Variants in RPRD1B observed in about 807,000 individuals in gnomAD.
RPRD1B encodes the protein regulation of nuclear pre-mRNA domain-containing protein 1B.
RPRD1B carries 11 observed loss-of-function variants against 41.5 expected under a neutral mutation model. That is an observed-to-expected ratio of 0.27 (90% CI 0.17 to 0.44). The LOEUF is 0.44. RPRD1B is among the 20% of genes least tolerant of loss of function. RPRD1B has a pLI of 1.00. For missense variants in RPRD1B, 248 were observed against 389.9 expected (o/e 0.64, Z 3.06); for synonymous variants, 158 against 155.6 (o/e 1.02, Z -0.12).
At chr20:38,037,808 A>G (rs1273357055) in intron 1 of RPRD1B, among the ~76,000 whole-genome samples, 1 of 152,050 alleles carries the variant, frequency 6.6e-6, no homozygotes, top group Non-Finnish European at 1.5e-5. Context: ...TGAGAAGTAT[A>G]TATCAGGTCT....
chr20:38,089,707 C>G lies in RPRD1B; in HGVS notation c.832-19C>G, dbSNP rs1247622969. The G allele has an allele frequency of 1.2e-6, 2 of 1,607,874 alleles. No homozygotes were observed. Among genetic ancestry groups the G allele is most frequent in the African/African-American group, 2.7e-5 (2 of 74,712 alleles). On this transcript the variant is annotated intron_variant, in intron 6 of 6. Coordinates refer to ENST00000373433, the MANE Select transcript of RPRD1B (RefSeq NM_021215.4). ...GCACGCACAGACTTAACGGTATTGTCTTCTCTTTATCTCCTTAGGAATACA... is the reference window on the plus strand; with the variant it reads ...GCACGCACAGACTTAACGGTATTGTGTTCTCTTTATCTCCTTAGGAATACA...
chr20:38,045,619 G>C (rs1318589782), intron 2 of RPRD1B, among the ~76,000 whole-genome samples: 1 of 152,164 alleles, frequency 6.6e-6, no homozygotes, highest in African/African-American at 2.4e-5. Context: ...GCCTGAAACT[G>C]TACACAAAAC....
At chr20:38,048,511 T>C in intron 3 of RPRD1B, 30 bp downstream of exon 3, 17 of 1,569,142 alleles carry the variant, frequency 1.1e-5, no homozygotes, top group Non-Finnish European at 1.5e-5. Context: ...TTTACAGCTC[T>C]TGGTCTTTGC....
intron 1 of RPRD1B, 114 bp from the exon 2 acceptor site, chr20:38,040,321 C>T: frequency 4.1e-6 from 3 of 728,966 alleles, no homozygotes; most frequent in South Asian, 2.6e-5. Context: ...TACTTGACCC[C>T]CCAGGTAGAT....
intron 6 of RPRD1B, among the ~76,000 whole-genome samples, chr20:38,074,057 C>A (rs565624781): frequency 6.6e-6 from 1 of 152,202 alleles, no homozygotes; most frequent in Admixed American, 6.5e-5. Context: ...AATTACGGGG[C>A]CTTGCACTCA....
intron 6 of RPRD1B, among the ~76,000 whole-genome samples, chr20:38,079,253 T>C (rs1013330647): frequency 1.3e-5 from 2 of 152,164 alleles, no homozygotes; most frequent in Non-Finnish European, 2.9e-5. Flanking sequence ...TTTTCTTTTT[T>C]TTTTTTTCTT....
At chr20:38,048,310 C>A in intron 2 of RPRD1B, 38 bp from the exon 3 acceptor site, 1 of 1,571,038 alleles carries the variant, frequency 6.4e-7, no homozygotes, top group Non-Finnish European at 8.7e-7. Context: ...AGCAAAAAAT[C>A]TTAAGCTTAT....
At position 38,033,863 on chromosome 20, in the gene RPRD1B, G is replaced by C. The variant is rs2073959662; in HGVS notation, c.-85G>C. The C allele has an allele frequency of 7.3e-7, 1 of 1,372,776 alleles. No homozygotes were observed. Among genetic ancestry groups the C allele is most frequent in the Non-Finnish European group, 9.8e-7 (1 of 1,017,316 alleles). 85.0% of individuals were successfully genotyped at this position (1,372,776 alleles called of 1,614,324 possible). ...CGGTAAAAAGTCCCGCAGCCTGTCAGGTGAGGCCCCGGCCTCGTGCCGTCG... is the reference window on the plus strand; with the variant it reads ...CGGTAAAAAGTCCCGCAGCCTGTCACGTGAGGCCCCGGCCTCGTGCCGTCG... On this transcript the variant is annotated 5_prime_UTR_variant, in exon 1 of 7. Transcript: ENST00000373433.
At chr20:38,049,504 G>A (rs977501698) in intron 3 of RPRD1B, among the ~76,000 whole-genome samples, 3 of 150,450 alleles carry the variant, frequency 2.0e-5, no homozygotes, top group Non-Finnish European at 4.4e-5. Flanking sequence ...CGAGTAGCTG[G>A]AATTACAGGC....
chr20:38,051,251 T>G (rs1223663774), intron 3 of RPRD1B, among the ~76,000 whole-genome samples: 1 of 152,188 alleles, frequency 6.6e-6, no homozygotes, highest in Non-Finnish European at 1.5e-5. Flanking sequence ...AAAACAAAAT[T>G]TAAAAAGTAA....
At chr20:38,074,494 C>G (rs963217309) in intron 6 of RPRD1B, among the ~76,000 whole-genome samples, 1 of 152,186 alleles carries the variant, frequency 6.6e-6, no homozygotes, top group Non-Finnish European at 1.5e-5. Context: ...AAAAGTGACA[C>G]GGTTTTAAGG....
intron 1 of RPRD1B, among the ~76,000 whole-genome samples, chr20:38,038,485 G>GTTTT (rs2074027015): frequency 1.7e-4 from 14 of 83,122 alleles, no homozygotes; most frequent in African/African-American, 7.3e-4. Context: ...GATTTTTTTT[G>GTTTT]TTTTGTTTTT....
At chr20:38,087,821 G>T (rs1438274007) in intron 6 of RPRD1B, among the ~76,000 whole-genome samples, 1 of 152,176 alleles carries the variant, frequency 6.6e-6, no homozygotes, top group Non-Finnish European at 1.5e-5. Context: ...AGTCTCAGGA[G>T]CTACTTCATG....
At chr20:38,070,145 T>C in intron 6 of RPRD1B, 2 of 967,704 alleles carry the variant, frequency 2.1e-6, no homozygotes, top group East Asian at 2.3e-4. Context: ...ACTACTTTTC[T>C]TTTTTCCTTT....
intron 6 of RPRD1B, among the ~76,000 whole-genome samples, chr20:38,086,585 T>C (rs1181627866): frequency 6.6e-6 from 1 of 152,218 alleles, no homozygotes; most frequent in Non-Finnish European, 1.5e-5. Flanking sequence ...TCTGTCTGCC[T>C]CAGCCTCTGA....
intron 5 of RPRD1B, among the ~76,000 whole-genome samples, chr20:38,061,480 C>G (rs2074296973): frequency 6.6e-6 from 1 of 152,252 alleles, no homozygotes; most frequent in Non-Finnish European, 1.5e-5. Flanking sequence ...TCCTTCTCAT[C>G]TAGCCAAGGC....
At chr20:38,062,037 G>A (rs2074302702) in intron 5 of RPRD1B, among the ~76,000 whole-genome samples, 1 of 152,148 alleles carries the variant, frequency 6.6e-6, no homozygotes, top group Non-Finnish European at 1.5e-5. Flanking sequence ...GGTGGGAGAG[G>A]GGGAATGAGA....
intron 3 of RPRD1B, among the ~76,000 whole-genome samples, chr20:38,051,814 G>T (rs1189565295): frequency 2.0e-5 from 3 of 152,012 alleles, no homozygotes; most frequent in African/African-American, 7.3e-5. Context: ...TGCAATGGCG[G>T]GACCTCGGCT....
chr20:38,086,327 C>T (rs1264976042), intron 6 of RPRD1B, among the ~76,000 whole-genome samples: 1 of 152,194 alleles, frequency 6.6e-6, no homozygotes, highest in Non-Finnish European at 1.5e-5. Context: ...TGCCTCTCTT[C>T]AGGAAATTAA....
Sources: gnomAD v4.1 joint callset for allele counts (sites outside exome capture counted in the v4.1 genomes callset) on GRCh38, gnomAD v4.1.1 for gene constraint, MANE v1.5 for transcripts, NCBI Gene and HGNC (gene_info 2026-07-23, HGNC 2026-07-21) for gene names.